Variants in WNT2 observed in about 807,000 individuals in gnomAD.
WNT2 encodes Wnt family member 2.
Under a neutral mutation model 36.9 loss-of-function variants are expected in WNT2, and 12 were observed. The observed-to-expected ratio is 0.33, with a 90% CI of 0.21 to 0.53. The LOEUF is 0.53. WNT2 is among the 20% of genes least tolerant of loss of function. The pLI, the probability that WNT2 is intolerant of heterozygous loss-of-function variation, is 0.95. For missense variants in WNT2, 379 were observed against 473.1 expected (o/e 0.80, Z 1.84); for synonymous variants, 163 against 174.6 (o/e 0.93, Z 0.52).
At chr7:117,281,825 T>C (rs1794494873) in intron 4 of WNT2, among the ~76,000 whole-genome samples, 1 of 152,090 alleles carries the variant, frequency 6.6e-6, no homozygotes, top group African/African-American at 2.4e-5. Flanking sequence ...AAAAGTTAAT[T>C]TGGCTGCACA....
rs1794409076 is a variant in WNT2 at position 117,277,963 on chromosome 7, T to C, written c.*192A>G. On this transcript the variant is annotated 3_prime_UTR_variant, in exon 5 of 5. Transcript: ENST00000265441. ...GCAGAACACCAGGAGATGGATAGAA[T>C]AGGGTAGGCTTTAGGTGCAGCGTGT... The C allele has an allele frequency of 1.6e-6, 1 of 610,712 alleles. No homozygotes were observed. The highest frequency in any genetic ancestry group is 2.9e-6 in the Non-Finnish European group (1 of 345,674). 37.8% of individuals were successfully genotyped at this position (610,712 alleles called of 1,614,324 possible).
intron 4 of WNT2, among the ~76,000 whole-genome samples, chr7:117,292,330 T>C (rs1407441465): frequency 6.6e-6 from 1 of 152,038 alleles, no homozygotes; most frequent in Non-Finnish European, 1.5e-5. Flanking sequence ...GGGACGTAAG[T>C]GGCACAGTGA....
chr7:117,295,185 TAA>T (rs961527727), intron 4 of WNT2, among the ~76,000 whole-genome samples: 1 of 152,172 alleles, frequency 6.6e-6, no homozygotes, highest in African/African-American at 2.4e-5. Flanking sequence ...GGCTCAGGTT[TAA>T]GTCCCTGATC....
intron 1 of WNT2, among the ~76,000 whole-genome samples, chr7:117,321,711 G>A (rs901898948): frequency 7.2e-5 from 11 of 152,186 alleles, no homozygotes; most frequent in Non-Finnish European, 2.9e-5. Flanking sequence ...ACAGCTGAGA[G>A]ACAATGTGAC....
At chr7:117,302,073 G>A (rs1394563656) in intron 3 of WNT2, among the ~76,000 whole-genome samples, 3 of 151,902 alleles carry the variant, frequency 2.0e-5, no homozygotes, top group Non-Finnish European at 4.4e-5. Context: ...TAGGATTACA[G>A]GTGTGAGCCA....
chr7:117,276,496 G>A lies in WNT2; in HGVS notation c.*1659C>T, dbSNP rs940918272. The stretch of plus-strand genomic sequence containing the variant: ...AACAATTTGGGAATGAGGGAAAGGG[G>A]ATGAATTCTGACATTTTTAAGAGGG... On this transcript the variant is annotated 3_prime_UTR_variant, in exon 5 of 5. Coordinates refer to ENST00000265441, the MANE Select transcript of WNT2 (RefSeq NM_003391.3). 5 of 152,214 alleles carry A rather than the reference G, an allele frequency of 3.3e-5. No homozygotes were observed. Among genetic ancestry groups the A allele is most frequent in the African/African-American group, 9.7e-5 (4 of 41,448 alleles). The allele number at this position is 152,214 out of a possible 1,614,324, so 9.4% of individuals were successfully genotyped here.
At chr7:117,300,473 T>A (rs1020691029) in intron 3 of WNT2, among the ~76,000 whole-genome samples, 2 of 151,998 alleles carry the variant, frequency 1.3e-5, no homozygotes, top group Admixed American at 1.3e-4. Context: ...GCGTGAGCCA[T>A]CGTACCTGGC....
chr7:117,287,790 C>T (rs1216467097), intron 4 of WNT2, among the ~76,000 whole-genome samples: 1 of 152,058 alleles, frequency 6.6e-6, no homozygotes, highest in Non-Finnish European at 1.5e-5. Flanking sequence ...GAGTTCAAGA[C>T]CAGCCTGGCC....
At chr7:117,287,647 C>T (rs563296988) in intron 4 of WNT2, among the ~76,000 whole-genome samples, 1 of 152,156 alleles carries the variant, frequency 6.6e-6, no homozygotes, top group Admixed American at 6.5e-5. Context: ...GTGGTCAACA[C>T]ATATGTGCTG....
chr7:117,296,178 T>C (rs571716509), intron 4 of WNT2, among the ~76,000 whole-genome samples: 3 of 152,280 alleles, frequency 2.0e-5, no homozygotes, highest in African/African-American at 7.2e-5. Flanking sequence ...GGTTTCATGG[T>C]GATTTGGCTA....
chr7:117,282,970 G>C (rs1251176033), intron 4 of WNT2, among the ~76,000 whole-genome samples: 1 of 152,164 alleles, frequency 6.6e-6, no homozygotes, highest in African/African-American at 2.4e-5. Context: ...GAGACTGGGG[G>C]AGGATGAGAA....
intron 3 of WNT2, among the ~76,000 whole-genome samples, chr7:117,307,756 G>A (rs1795040774): frequency 6.6e-6 from 1 of 152,162 alleles, no homozygotes; most frequent in Admixed American, 6.5e-5. Context: ...CAAAGTTTAT[G>A]AACCCTGTGT....
chr7:117,319,331 A>T (rs558234379), intron 2 of WNT2, among the ~76,000 whole-genome samples: 1 of 152,238 alleles, frequency 6.6e-6, no homozygotes, highest in Non-Finnish European at 1.5e-5. Flanking sequence ...AGAGAATAAA[A>T]TTGCAGAATA....
Position 117,278,777 on chromosome 7 carries a change from C to T in WNT2, c.854-393G>A, listed in dbSNP as rs76016625. The stretch of plus-strand genomic sequence containing the variant: ...ATCCATCCTGGCTCCTTCTCCCTAC[C>T]TCAAACCACATTAAGGAAGCAGTGA... On this transcript the variant is annotated intron_variant, in intron 4 of 4. Coordinates refer to ENST00000265441, the MANE Select transcript of WNT2 (RefSeq NM_003391.3). 1.8e-3 allele frequency among the ~76,000 whole-genome samples: 267 copies of T among 152,316 alleles called. 8 individuals are homozygous for T. In the East Asian group the frequency reaches 0.049, roughly 28 times the overall value.
intron 4 of WNT2, 34 bp from the exon 5 acceptor site, chr7:117,278,418 G>T: frequency 6.3e-7 from 1 of 1,587,606 alleles, no homozygotes. Context: ...TACTGAAAAG[G>T]TCTGGGTGGA....
intron 4 of WNT2, among the ~76,000 whole-genome samples, chr7:117,279,582 A>G (rs868786552): frequency 1.4e-4 from 22 of 152,216 alleles, no homozygotes; most frequent in African/African-American, 4.8e-4. Context: ...AAGCAAATAT[A>G]CAGTGACAGT....
At chr7:117,298,534 G>T (rs920239760) in intron 3 of WNT2, among the ~76,000 whole-genome samples, 10 of 152,158 alleles carry the variant, frequency 6.6e-5, no homozygotes, top group African/African-American at 2.4e-4. Flanking sequence ...TAGATGACAG[G>T]GGTGGGTTTG....
intron 2 of WNT2, among the ~76,000 whole-genome samples, chr7:117,316,358 AGT>A (rs999116633): frequency 2.6e-5 from 4 of 152,206 alleles, no homozygotes; most frequent in African/African-American, 7.2e-5. Flanking sequence ...TCATTTTTCA[AGT>A]GGAGCTGTAT....
At position 117,284,302 on chromosome 7, in the gene WNT2, A is replaced by G. The variant is rs1347393357; in HGVS notation, c.854-5918T>C. ...GCCATACTGTTCCATTGGTCTTTCC[A>G]AAACAGAAAGCATCACCATTATGTT... On this transcript the variant is annotated intron_variant, in intron 4 of 4. Transcript: ENST00000265441. This position sits in a 1 kb window ranked among gnomAD's most constrained non-coding sequence, Gnocchi z 5.2. Among the ~76,000 whole-genome samples the G allele has an allele frequency of 3.4e-4, 52 of 152,324 alleles. No homozygotes were observed. Among genetic ancestry groups the G allele is most frequent in the Admixed American group, 3.4e-3 (52 of 15,300 alleles).
Sources: gnomAD v4.1 joint callset for allele counts (sites outside exome capture counted in the v4.1 genomes callset) on GRCh38, gnomAD v4.1.1 for gene constraint, Gnocchi (gnomAD v3.1) non-coding constraint, MANE v1.5 for transcripts, NCBI Gene and HGNC (gene_info 2026-07-23, HGNC 2026-07-21) for gene names.